The following CFAP92 variants were observed in gnomAD, a reference collection of about 807,000 sequenced individuals.
CFAP92 encodes cilia and flagella associated protein 92 (putative), also known as uncharacterized protein CFAP92.
CFAP92 carries 86 observed loss-of-function variants against 106.3 expected under a neutral mutation model. The observed-to-expected ratio is 0.81, with a 90% CI of 0.68 to 0.97. The LOEUF is 0.97. Among genes scored for constraint, CFAP92 ranks in the 50% least tolerant of loss-of-function variants. The pLI is 0.00. For missense variants in CFAP92, 1,204 were observed against 1,283.8 expected, an observed-to-expected ratio of 0.94 and a Z score of 0.95; for synonymous variants, 477 against 506.4, an observed-to-expected ratio of 0.94 and a Z score of 0.78.
intron 12 of CFAP92, 114 bp downstream of exon 12, chr3:128,932,586 G>T: frequency 1.8e-6 from 2 of 1,085,774 alleles, no homozygotes; most frequent in Non-Finnish European, 2.6e-6. Flanking sequence ...CAGGAGCGCA[G>T]GCACGACCAG....
rs537328392 is a variant in CFAP92, at chr3:128,924,012, G to GCTGT, written c.2752-7745_2752-7742dup. Among the ~76,000 whole-genome samples, 8 of 152,298 alleles carry GCTGT rather than the reference G, an allele frequency of 5.3e-5. No individual in the cohort carries two copies. In the East Asian group the frequency reaches 1.5e-3, roughly 29 times the overall value. On this transcript the variant is annotated intron_variant, in intron 12 of 15. Coordinates refer to ENST00000645291, the MANE Select transcript of CFAP92 (RefSeq NM_001394090.1). ...TTTGTTCTAATAATTATGTGTTTGTGCTGTCTCCTTTTAGTCTGCAGATGC... is the reference window on the plus strand; with the variant it reads ...TTTGTTCTAATAATTATGTGTTTGTGCTGTCTGTCTCCTTTTAGTCTGCAGATGC...
the CFAP92 span, among the ~76,000 whole-genome samples, chr3:129,021,376 C>T: frequency 2.0e-5 from 3 of 152,184 alleles, no homozygotes; most frequent in Non-Finnish European, 4.4e-5. Context: ...AAGAGTTGCT[C>T]ATCATTTCAG....
upstream of CFAP92, among the ~76,000 whole-genome samples, chr3:129,006,447 C>T (rs902459622): frequency 6.6e-6 from 1 of 152,210 alleles, no homozygotes. Context: ...CTCCCCATAG[C>T]TGGGATTAAA....
chr3:129,009,913 T>C, the CFAP92 span, among the ~76,000 whole-genome samples: 1 of 152,174 alleles, frequency 6.6e-6, no homozygotes, highest in African/African-American at 2.4e-5. Context: ...GATTCAGGGC[T>C]CACTGGGGAG....
chr3:128,915,439 C>G lies in CFAP92; in HGVS notation c.3041G>C (p.Gly1014Ala), dbSNP rs776208479. 4 of 1,536,144 alleles carry G rather than the reference C, an allele frequency of 2.6e-6. No individual in the cohort carries two copies. The highest frequency in any genetic ancestry group is 1.2e-5 in the South Asian group (1 of 84,062). ...KSRQAWLTAR[G>A]FQVTGLQSDT... The stretch of plus-strand genomic sequence containing the variant: ...GCTCTGAAGACCTGTCACTTGGAAT[C>G]CCCTGGCTGTGAGCCAGGCCTGGCG... The change falls in exon 14 of 16, where the codon GGA (glycine) becomes GCA (alanine). Residue 1014 changes from glycine (G) to alanine (A), a missense_variant. Gly to Ala is a moderately conservative substitution (Grantham distance 60). Coordinates refer to ENST00000645291, the MANE Select transcript of CFAP92 (RefSeq NM_001394090.1).
chr3:128,924,957 T>G, intron 12 of CFAP92, among the ~76,000 whole-genome samples: 1 of 152,194 alleles, frequency 6.6e-6, no homozygotes, highest in East Asian at 1.9e-4. Flanking sequence ...CTTCACAGCC[T>G]CCATACTAGC....
the CFAP92 span, among the ~76,000 whole-genome samples, chr3:129,008,403 C>T: frequency 7.2e-5 from 11 of 152,190 alleles, no homozygotes; most frequent in Non-Finnish European, 1.0e-4. Flanking sequence ...TTGACTTTGG[C>T]TCTATATTCT....
At chr3:128,910,445 TCTGA>T (rs1936153286) in intron 15 of CFAP92, 112 bp from the exon 16 acceptor site, 2 of 1,059,596 alleles carry the variant, frequency 1.9e-6, no homozygotes, top group Non-Finnish European at 2.7e-6. Flanking sequence ...GGGTGCAGTC[TCTGA>T]GGACCCACTG....
At chr3:128,923,729 C>T (rs1559854427) in intron 12 of CFAP92, among the ~76,000 whole-genome samples, 1 of 152,204 alleles carries the variant, frequency 6.6e-6, no homozygotes, top group East Asian at 1.9e-4. Flanking sequence ...AACAGAAAGA[C>T]CTTTTGGATT....
intron 4 of CFAP92, among the ~76,000 whole-genome samples, chr3:128,986,548 T>C (rs1005897438): frequency 4.6e-5 from 7 of 152,158 alleles, no homozygotes; most frequent in Admixed American, 3.9e-4. Context: ...TCTCTAAGCA[T>C]CAGGATGCAT....
chr3:129,024,760 G>A, the CFAP92 span, among the ~76,000 whole-genome samples: 2 of 151,820 alleles, frequency 1.3e-5, no homozygotes, highest in South Asian at 2.1e-4. Flanking sequence ...GAGCTCTCAT[G>A]GCCTGATCAC....
intron 13 of CFAP92, 23 bp downstream of exon 13, chr3:128,916,084 A>G (rs1936793194): frequency 2.4e-6 from 3 of 1,232,106 alleles, no homozygotes; most frequent in Non-Finnish European, 3.0e-6. Flanking sequence ...GCCAACTGCC[A>G]TCATCCTGTC....
At chr3:128,933,306 C>A (rs1291916117) in intron 11 of CFAP92, among the ~76,000 whole-genome samples, 1 of 152,236 alleles carries the variant, frequency 6.6e-6, no homozygotes, top group East Asian at 1.9e-4. Context: ...ACAGCCCCAC[C>A]AGCTGCCCAT....
In CFAP92 at chr3:128,987,701, A is replaced by C; in HGVS notation, c.582T>G (p.Thr194=). ...FHKITLRLWN[T]KDKMSRKVRY... is the part of the protein sequence containing the mutation. ...TGACTTTTCTTGACATCTTGTCTTT[A>C]GTGTTCCAGAGCCTCAAGGTGATTT... The change falls in exon 4 of 16, where the codon ACT becomes ACG. Residue 194 remains threonine, a synonymous_variant. Transcript: ENST00000645291. 6.2e-7 allele frequency: 1 copy of C among 1,613,946 alleles called. No homozygotes were observed. The highest frequency in any genetic ancestry group is 8.5e-7 in the Non-Finnish European group (1 of 1,179,848).
intron 12 of CFAP92, among the ~76,000 whole-genome samples, chr3:128,922,558 A>AG (rs1272193178): frequency 6.6e-6 from 1 of 152,186 alleles, no homozygotes; most frequent in African/African-American, 2.4e-5. Context: ...GTAACTATTC[A>AG]GGGAAAGGAT....
chr3:129,022,187 T>C, the CFAP92 span, among the ~76,000 whole-genome samples: 7 of 152,162 alleles, frequency 4.6e-5, no homozygotes, highest in Non-Finnish European at 8.8e-5. Context: ...CTCCACAAAG[T>C]TTAGAAGGAC....
In CFAP92 at chr3:128,909,906, CCA is replaced by C. The variant is rs1462112426; in HGVS notation, c.*391_*392del. 27 of 1,450,200 alleles carry C rather than the reference CCA, an allele frequency of 1.9e-5. No homozygotes were observed. Among genetic ancestry groups the C allele is most frequent in the Non-Finnish European group, 2.6e-5 (27 of 1,050,822 alleles). 89.8% of individuals were successfully genotyped at this position (1,450,200 alleles called of 1,614,324 possible). A position where few individuals can be genotyped will look rare whatever the true frequency, so the allele number is the denominator to read the frequency against. ...CCTGAAGAGAAAGGTGTTATTGACTCCACTTTCTCAAGGAACACAGGAGACTA... is the reference window on the plus strand; with the variant it reads ...CCTGAAGAGAAAGGTGTTATTGACTCCTTTCTCAAGGAACACAGGAGACTA... On this transcript the variant is annotated 3_prime_UTR_variant, in exon 16 of 16. Transcript: ENST00000645291.
At chr3:128,992,146 C>G (rs1045667843) in intron 2 of CFAP92, among the ~76,000 whole-genome samples, 1 of 152,236 alleles carries the variant, frequency 6.6e-6, no homozygotes, top group African/African-American at 2.4e-5. Context: ...CCAGGAGAAC[C>G]TCAGGTTCCT....
At chr3:129,009,769 T>C in the CFAP92 span, among the ~76,000 whole-genome samples, 1 of 152,194 alleles carries the variant, frequency 6.6e-6, no homozygotes, top group Non-Finnish European at 1.5e-5. Context: ...GACTGTGAAC[T>C]CTGAAGCCCC....
Sources: gnomAD v4.1 joint callset for allele counts (sites outside exome capture counted in the v4.1 genomes callset) on GRCh38, gnomAD v4.1.1 for gene constraint, MANE v1.5 for transcripts, NCBI Gene and HGNC (gene_info 2026-07-23, HGNC 2026-07-21) for gene names.